Variants in DRC8 observed in about 807,000 individuals in gnomAD.
DRC8 encodes the protein dynein regulatory complex subunit 8.
chr1:245,118,392 C>T, the DRC8 span, among the ~76,000 whole-genome samples: 4 of 152,164 alleles, frequency 2.6e-5, no homozygotes, highest in African/African-American at 7.2e-5. Context: ...CGAAGTTTGC[C>T]CCTGCAGCTT....
the DRC8 span, among the ~76,000 whole-genome samples, chr1:245,106,444 TAA>T: frequency 5.9e-5 from 9 of 152,178 alleles, no homozygotes; most frequent in Non-Finnish European, 1.3e-4. Context: ...ATTCTGAATA[TAA>T]CTCTTCCCTA....
the DRC8 span, among the ~76,000 whole-genome samples, chr1:245,054,639 C>T: frequency 6.6e-6 from 1 of 152,122 alleles, no homozygotes; most frequent in East Asian, 1.9e-4. Context: ...TTTCTTGGAT[C>T]GTTCCTTGAA....
the DRC8 span, among the ~76,000 whole-genome samples, chr1:244,995,841 C>G: frequency 6.6e-6 from 1 of 152,230 alleles, no homozygotes; most frequent in African/African-American, 2.4e-5. Flanking sequence ...ATTTTCCTCA[C>G]TTTCCCTTAA....
chr1:245,118,089 C>A, the DRC8 span, among the ~76,000 whole-genome samples: 1 of 152,240 alleles, frequency 6.6e-6, no homozygotes, highest in South Asian at 2.1e-4. Flanking sequence ...TGAATAATTA[C>A]AAAACTACGT....
At chr1:245,044,600 C>T in the DRC8 span, among the ~76,000 whole-genome samples, 4 of 151,622 alleles carry the variant, frequency 2.6e-5, no homozygotes, top group South Asian at 4.2e-4. Flanking sequence ...TTTTTTGAGA[C>T]GGAGTCTCGT....
At chr1:245,065,611 T>C in the DRC8 span, among the ~76,000 whole-genome samples, 2 of 152,180 alleles carry the variant, frequency 1.3e-5, no homozygotes, top group Admixed American at 1.3e-4. Flanking sequence ...AGTTGATACC[T>C]GTGTCTGTTC....
the DRC8 span, among the ~76,000 whole-genome samples, chr1:245,030,026 C>G: frequency 1.3e-5 from 2 of 152,200 alleles, no homozygotes; most frequent in Non-Finnish European, 2.9e-5. Flanking sequence ...GGTGTGTACC[C>G]TCTGTGGCTT....
the DRC8 span, among the ~76,000 whole-genome samples, chr1:245,014,031 C>CAA: frequency 0.18 from 16,962 of 92,392 alleles, 2,221 homozygotes; most frequent in African/African-American, 0.23. Context: ...GACTCCATCT[C>CAA]AAAAAAAAAA....
At chr1:245,049,532 A>T in the DRC8 span, among the ~76,000 whole-genome samples, 2 of 152,216 alleles carry the variant, frequency 1.3e-5, no homozygotes, top group Non-Finnish European at 1.5e-5. This position sits in a 1 kb window ranked among gnomAD's most constrained non-coding sequence, Gnocchi z 4.5. Flanking sequence ...TACTGTACTC[A>T]TGACATGTAT....
the DRC8 span, among the ~76,000 whole-genome samples, chr1:245,053,966 C>G: frequency 5.3e-5 from 8 of 152,148 alleles, no homozygotes; most frequent in Admixed American, 5.2e-4. Context: ...CCCTCCCACC[C>G]TCTCAGGAAA....
chr1:245,086,088 T>A, the DRC8 span, among the ~76,000 whole-genome samples: 1 of 152,218 alleles, frequency 6.6e-6, no homozygotes, highest in Admixed American at 6.5e-5. Context: ...AATGGTATGT[T>A]TACAGAGAGT....
chr1:245,003,220 G>T, the DRC8 span, among the ~76,000 whole-genome samples: 2 of 152,120 alleles, frequency 1.3e-5, no homozygotes, highest in Non-Finnish European at 2.9e-5. Context: ...TCCACCTTCT[G>T]TCTATTGTGA....
chr1:245,070,131 G>C, the DRC8 span, among the ~76,000 whole-genome samples: 1 of 152,176 alleles, frequency 6.6e-6, no homozygotes, highest in Non-Finnish European at 1.5e-5. Flanking sequence ...AGGAAGTTGA[G>C]TATTTGCAGA....
chr1:245,031,350 T>A, the DRC8 span, among the ~76,000 whole-genome samples: 1 of 152,056 alleles, frequency 6.6e-6, no homozygotes, highest in South Asian at 2.1e-4. Flanking sequence ...AATTATGGTC[T>A]AGCTAGACCA....
At chr1:245,051,230 GAA>G in the DRC8 span, among the ~76,000 whole-genome samples, 3 of 144,818 alleles carry the variant, frequency 2.1e-5, no homozygotes, top group African/African-American at 7.6e-5. Flanking sequence ...TCTCTATTAA[GAA>G]AAAAAAAAAA....
At chr1:245,118,523 G>A in the DRC8 span, among the ~76,000 whole-genome samples, 1 of 152,202 alleles carries the variant, frequency 6.6e-6, no homozygotes, top group African/African-American at 2.4e-5. Context: ...CGGGCGCAGT[G>A]GCTCACGCCT....
chr1:245,083,290 C>A, the DRC8 span: 3 of 692,312 alleles, frequency 4.3e-6, no homozygotes, highest in Non-Finnish European at 5.1e-6. Context: ...GCAGTTTCAT[C>A]CCCAAACCAT....
At chr1:245,000,410 C>G in the DRC8 span, among the ~76,000 whole-genome samples, 2 of 152,218 alleles carry the variant, frequency 1.3e-5, no homozygotes, top group East Asian at 1.9e-4. Flanking sequence ...CTAACTGAAA[C>G]TGTGGAAAGT....
the DRC8 span, chr1:245,087,243 A>T: frequency 6.2e-7 from 1 of 1,603,226 alleles, no homozygotes; most frequent in South Asian, 1.1e-5. Flanking sequence ...TGTCTCTCTG[A>T]GGTGAGCCTT....
Sources: allele counts gnomAD v4.1 joint callset (sites outside exome capture counted in the v4.1 genomes callset), GRCh38; gene constraint gnomAD v4.1.1; non-coding constraint Gnocchi (gnomAD v3.1); transcripts MANE v1.5; gene names NCBI Gene and HGNC (gene_info 2026-07-23, HGNC 2026-07-21).